The following PPP2R3A variants were observed in gnomAD, a reference collection of about 807,000 sequenced individuals.
The protein encoded by PPP2R3A is serine/threonine-protein phosphatase 2A regulatory subunit B'' subunit alpha.
In PPP2R3A, 80 loss-of-function variants were observed where a neutral mutation model predicts 106.9. That is an observed-to-expected ratio of 0.75 (90% CI 0.62 to 0.90). The LOEUF is 0.90. PPP2R3A is among the 40% of genes least tolerant of loss of function. The pLI is 0.00. For missense variants in PPP2R3A, 1,386 were observed against 1,350.4 expected (o/e 1.03, Z -0.41); for synonymous variants, 483 against 468.3 (o/e 1.03, Z -0.41).
chr3:136,010,901 C>T (rs1420632581), intron 2 of PPP2R3A, among the ~76,000 whole-genome samples: 1 of 152,190 alleles, frequency 6.6e-6, no homozygotes, highest in Non-Finnish European at 1.5e-5. Context: ...ATTCTCCCAG[C>T]TTTAAAACAA....
Position 136,102,131 on chromosome 3 carries a change from T to C in PPP2R3A, c.3052T>C (p.Phe1018Leu). The change falls in exon 11 of 14, where the codon TTC becomes CTC. Residue 1018 changes from phenylalanine to leucine, a missense_variant. By Grantham distance (22) the Phe-to-Leu change is conservative (BLOSUM62 0). Transcript: ENST00000264977. ...MEAMGIEPLP[F>L]HDLLCQMLDL... ...AGCCATGGGAATTGAGCCCTTGCCA[T>C]TCCATGATTTACTGTGCCAGATGCT... 3 of 1,613,812 alleles carry C rather than the reference T, an allele frequency of 1.9e-6. No individual in the cohort carries two copies. Among genetic ancestry groups the C allele is most frequent in the African/African-American group, 1.3e-5 (1 of 75,038 alleles).
At chr3:136,066,160 A>G (rs1238213869) in intron 5 of PPP2R3A, among the ~76,000 whole-genome samples, 1 of 152,242 alleles carries the variant, frequency 6.6e-6, no homozygotes, top group Non-Finnish European at 1.5e-5. Context: ...AAACTGCACA[A>G]AAAAGCACAA....
chr3:136,056,210 C>G (rs965320449), intron 5 of PPP2R3A, among the ~76,000 whole-genome samples: 1 of 152,092 alleles, frequency 6.6e-6, no homozygotes, highest in African/African-American at 2.4e-5. Context: ...GTCTAAGAAA[C>G]TGTCACAGCC....
chr3:136,046,340 G>C (rs747220740), intron 4 of PPP2R3A, among the ~76,000 whole-genome samples: 1 of 152,044 alleles, frequency 6.6e-6, no homozygotes. Flanking sequence ...TATAATCCCA[G>C]CTACTCCGGA....
intron 13 of PPP2R3A, among the ~76,000 whole-genome samples, chr3:136,107,728 T>C (rs1937541084): frequency 6.6e-6 from 1 of 152,186 alleles, no homozygotes; most frequent in Admixed American, 6.5e-5. Flanking sequence ...TAGGATTTCA[T>C]TTTTATGGCA....
At chr3:135,994,311 C>T (rs1291364710) in intron 1 of PPP2R3A, among the ~76,000 whole-genome samples, 2 of 152,082 alleles carry the variant, frequency 1.3e-5, no homozygotes, top group Non-Finnish European at 2.9e-5. Flanking sequence ...CCTTTACCAC[C>T]GTCTTTGTCT....
At chr3:136,144,962 G>A (rs1448676466) in intron 13 of PPP2R3A, 81 bp from the exon 14 acceptor site, 2 of 1,492,930 alleles carry the variant, frequency 1.3e-6, no homozygotes, top group African/African-American at 2.8e-5. Context: ...GGCTGGTCTT[G>A]AGGCTCGGAT....
chr3:136,139,783 C>A (rs1460905806), intron 13 of PPP2R3A, among the ~76,000 whole-genome samples: 2 of 151,350 alleles, frequency 1.3e-5, no homozygotes, highest in African/African-American at 4.9e-5. Flanking sequence ...GCAGGCGGAT[C>A]ACCTGAGGTT....
intron 13 of PPP2R3A, chr3:136,106,964 CTTCAATAATAATAAAGATGATCATG>C (rs1937529544): frequency 6.8e-6 from 1 of 147,624 alleles, no homozygotes; most frequent in African/African-American, 2.5e-5. Context: ...ACTAAAGCTC[CTTCAATAATAATAAAGATGATCATG>C]TTTAGAACAA....
intron 13 of PPP2R3A, among the ~76,000 whole-genome samples, chr3:136,142,363 C>A (rs1206140463): frequency 6.6e-6 from 1 of 152,030 alleles, no homozygotes; most frequent in Non-Finnish European, 1.5e-5. Flanking sequence ...CCCAAATGTC[C>A]CCTGGCGGCG....
chr3:136,020,680 A>C (rs1460639296), intron 2 of PPP2R3A, among the ~76,000 whole-genome samples: 1 of 152,096 alleles, frequency 6.6e-6, no homozygotes, highest in African/African-American at 2.4e-5. Flanking sequence ...TAACCAGCAT[A>C]AACAGACTGA....
intron 8 of PPP2R3A, among the ~76,000 whole-genome samples, chr3:136,085,976 A>G (rs1936916483): frequency 6.6e-6 from 1 of 151,946 alleles, no homozygotes; most frequent in Non-Finnish European, 1.5e-5. Context: ...ACAAAAATAC[A>G]AATATTAGTC....
intron 5 of PPP2R3A, among the ~76,000 whole-genome samples, chr3:136,054,290 C>T (rs1294590834): frequency 1.5e-5 from 2 of 135,718 alleles, no homozygotes; most frequent in South Asian, 2.3e-4. Flanking sequence ...GTTGGAGGCT[C>T]GCCCTGTCGC....
chr3:135,979,328 G>A lies in PPP2R3A; in HGVS notation c.-441+13479G>A, dbSNP rs181796505. Among the ~76,000 whole-genome samples, 48 of 151,450 alleles carry A rather than the reference G, an allele frequency of 3.2e-4. 1 individual carries two copies. Among genetic ancestry groups the A allele is most frequent in the African/African-American group, 1.1e-3 (45 of 40,904 alleles). On this transcript the variant is annotated intron_variant, in intron 1 of 13. Coordinates refer to ENST00000264977, the MANE Select transcript of PPP2R3A (RefSeq NM_002718.5). ...CAGGAGGCGGAGGTTGCGGTGAGCC[G>A]AGATTGCGCCACTGCTCTCCAGTGA...
chr3:136,086,973 G>T (rs144105111), intron 8 of PPP2R3A, among the ~76,000 whole-genome samples: 59 of 152,236 alleles, frequency 3.9e-4, no homozygotes, highest in African/African-American at 1.3e-3. Context: ...AGGCTGAGGT[G>T]GGCAGATCAC....
At chr3:136,134,412 G>A (rs1458868622) in intron 13 of PPP2R3A, among the ~76,000 whole-genome samples, 1 of 152,116 alleles carries the variant, frequency 6.6e-6, no homozygotes, top group Non-Finnish European at 1.5e-5. Context: ...ATTGGCACTG[G>A]TCACAGGTAA....
intron 2 of PPP2R3A, among the ~76,000 whole-genome samples, chr3:136,018,481 G>A (rs116467070): frequency 1.2e-3 from 180 of 152,228 alleles, no homozygotes; most frequent in African/African-American, 4.1e-3. Flanking sequence ...TATTGTCTTC[G>A]TTTTCAAAGG....
At chr3:136,023,024 C>T in intron 2 of PPP2R3A, 2 of 1,605,192 alleles carry the variant, frequency 1.2e-6, no homozygotes, top group Non-Finnish European at 8.5e-7. Flanking sequence ...TGATTATCTT[C>T]AGAAGTGTGC....
At chr3:136,113,844 G>A (rs114443963) in intron 13 of PPP2R3A, among the ~76,000 whole-genome samples, 5,019 of 151,626 alleles carry the variant, frequency 0.033, 300 homozygotes, top group African/African-American at 0.11. Flanking sequence ...AAAACTAGAA[G>A]AAAACCTGGG....
Sources: allele counts gnomAD v4.1 joint callset (sites outside exome capture counted in the v4.1 genomes callset), GRCh38; gene constraint gnomAD v4.1.1; transcripts MANE v1.5; gene names NCBI Gene and HGNC (gene_info 2026-07-23, HGNC 2026-07-21).